The following FAM135B variants were observed in gnomAD, a reference collection of about 807,000 sequenced individuals.
FAM135B encodes family with sequence similarity 135 member B, also known as protein FAM135B.
A neutral mutation model predicts 127.7 loss-of-function variants in FAM135B; 43 were observed. The observed-to-expected ratio is 0.34, with a 90% CI of 0.26 to 0.43. The LOEUF (loss-of-function observed/expected upper bound fraction) is 0.43. Among genes scored for constraint, FAM135B ranks in the 20% least tolerant of loss-of-function variants. The probability of loss-of-function intolerance (pLI) is 1.00; values close to 1 mark genes in which losing one functional copy is unlikely to be tolerated. For synonymous variants in FAM135B, 670 were observed against 665.1 expected, an observed-to-expected ratio of 1.01 and a Z score of -0.11; for missense variants, 1,558 against 1,725.6, an observed-to-expected ratio of 0.90 and a Z score of 1.72.
At chr8:138,251,058 C>T (rs1337331128) in intron 5 of FAM135B, 44 bp from the exon 6 acceptor site, 4 of 1,605,834 alleles carry the variant, frequency 2.5e-6, no homozygotes, top group South Asian at 1.1e-5. Flanking sequence ...TGGTGGGTTG[C>T]CCCTGCTGTC....
chr8:138,248,113 G>A (rs1205344302), intron 6 of FAM135B, among the ~76,000 whole-genome samples: 1 of 152,202 alleles, frequency 6.6e-6, no homozygotes. Context: ...GCTTTTACAT[G>A]TGCTGTCTCA....
intron 19 of FAM135B, among the ~76,000 whole-genome samples, chr8:138,133,519 C>T (rs1383790074): frequency 1.3e-5 from 2 of 152,202 alleles, no homozygotes; most frequent in African/African-American, 4.8e-5. Context: ...GTATCATTGA[C>T]AGACACTTTC....
At position 138,492,304 on chromosome 8, in the gene FAM135B, G is replaced by C. The variant is rs1815234318; in HGVS notation, c.-20+4367C>G. On this transcript the variant is annotated intron_variant, in intron 1 of 19. Transcript: ENST00000395297. ...GTCTCACTGATATTTTTGTGAGATAGGAAGCAATCTGTTCATTTCTCTGAT... is the reference window on the plus strand; with the variant it reads ...GTCTCACTGATATTTTTGTGAGATACGAAGCAATCTGTTCATTTCTCTGAT... Among the ~76,000 whole-genome samples, 3 of 152,116 alleles carry C rather than the reference G, an allele frequency of 2.0e-5. No homozygotes were observed. In the South Asian group the frequency reaches 6.2e-4, roughly 32 times the overall value.
intron 3 of FAM135B, among the ~76,000 whole-genome samples, chr8:138,288,588 A>C (rs1824872781): frequency 6.6e-6 from 1 of 152,158 alleles, no homozygotes; most frequent in Non-Finnish European, 1.5e-5. Flanking sequence ...GGAGATGTTG[A>C]GGAAACGGAG....
intron 1 of FAM135B, among the ~76,000 whole-genome samples, chr8:138,388,252 A>C (rs1032063975): frequency 6.6e-6 from 1 of 152,218 alleles, no homozygotes; most frequent in Non-Finnish European, 1.5e-5. Flanking sequence ...ATACCAAATG[A>C]TGGCAAACAT....
At chr8:138,223,469 A>T (rs566876525) in intron 7 of FAM135B, among the ~76,000 whole-genome samples, 19 of 152,324 alleles carry the variant, frequency 1.2e-4, no homozygotes, top group African/African-American at 4.6e-4. Flanking sequence ...GTAGATTAGG[A>T]CTTTGGAGGA....
chr8:138,283,976 A>T (rs1824476113), intron 3 of FAM135B, among the ~76,000 whole-genome samples: 1 of 151,946 alleles, frequency 6.6e-6, no homozygotes, highest in Admixed American at 6.6e-5. Context: ...GAGAACAGTG[A>T]GCTGGACAAA....
At position 138,430,377 on chromosome 8, in the gene FAM135B, CT is replaced by C. The variant is rs1315808759; in HGVS notation, c.-19-62376del. ...TTTAATATACATGCATAAAATCACC[CT>C]GAAACTCAGTGGCTTAAATTAATAA... On this transcript the variant is annotated intron_variant, in intron 1 of 19. Coordinates refer to ENST00000395297, the MANE Select transcript of FAM135B (RefSeq NM_015912.4). 2.0e-5 allele frequency among the ~76,000 whole-genome samples: 3 copies of C among 152,290 alleles called. No individual in the cohort carries two copies. In the South Asian group the frequency reaches 6.2e-4, roughly 32 times the overall value.
intron 1 of FAM135B, among the ~76,000 whole-genome samples, chr8:138,407,932 AT>A (rs1833618453): frequency 6.6e-6 from 1 of 152,170 alleles, no homozygotes; most frequent in African/African-American, 2.4e-5. Flanking sequence ...TCTTAGAGGA[AT>A]CTTTTTTTAC....
intron 6 of FAM135B, among the ~76,000 whole-genome samples, chr8:138,244,378 T>G (rs1253608755): frequency 6.8e-6 from 1 of 146,492 alleles, no homozygotes; most frequent in Non-Finnish European, 1.5e-5. Flanking sequence ...CCTCTCAGGG[T>G]TCAACTCCCT....
chr8:138,438,316 T>A (rs1209826856), intron 1 of FAM135B: 2 of 152,140 alleles, frequency 1.3e-5, no homozygotes, highest in Non-Finnish European at 2.9e-5. Flanking sequence ...AAGTACTCCA[T>A]GAGAGTTCCT....
At chr8:138,168,905 G>A (rs1820183148) in intron 11 of FAM135B, among the ~76,000 whole-genome samples, 1 of 152,146 alleles carries the variant, frequency 6.6e-6, no homozygotes, top group African/African-American at 2.4e-5. Flanking sequence ...GCTAGATTAT[G>A]TGTGTCTGTC....
chr8:138,152,907 G>T lies in FAM135B; in HGVS notation c.1568C>A (p.Thr523Lys). 1 of 1,614,212 alleles carries T rather than the reference G, an allele frequency of 6.2e-7. No individual in the cohort carries two copies. Among genetic ancestry groups the T allele is most frequent in the South Asian group, 1.1e-5 (1 of 91,084 alleles). Residue 523 changes from threonine to lysine, a missense_variant, in exon 13 of 20, where the codon ACA becomes AAA. Physicochemically the swap from Thr to Lys is moderately conservative, Grantham distance 78 (BLOSUM62 -1). Around this residue, in one of 5 missense-constraint regions of FAM135B, gnomAD observed 923 missense variants for 865.3 expected, o/e 1.07. Coordinates refer to ENST00000395297, the MANE Select transcript of FAM135B (RefSeq NM_015912.4). ...VPEDECWTGQ[T>K]SDAGTYPVAD... is the part of the protein sequence containing the mutation. ...CACTGGATATGTCCCAGCATCAGAT[G>T]TTTGGCCAGTCCAACATTCATCTTC...
intron 3 of FAM135B, among the ~76,000 whole-genome samples, chr8:138,307,617 CA>C (rs1457394338): frequency 2.0e-5 from 3 of 151,786 alleles, no homozygotes; most frequent in Non-Finnish European, 2.9e-5. Flanking sequence ...TTAATAATAA[CA>C]GCTGCATTTT....
chr8:138,353,313 T>G (rs562387538), intron 2 of FAM135B, among the ~76,000 whole-genome samples: 1 of 152,278 alleles, frequency 6.6e-6, no homozygotes, highest in South Asian at 2.1e-4. Context: ...GCTGCTGCTC[T>G]CATCATATAG....
chr8:138,178,889 T>C (rs977912030), intron 9 of FAM135B, among the ~76,000 whole-genome samples, 199 bp from the exon 10 acceptor site: 8 of 152,132 alleles, frequency 5.3e-5, no homozygotes, highest in Non-Finnish European at 1.0e-4. Context: ...AAGACAGCAA[T>C]GGCAACAATA....
At chr8:138,435,108 C>A (rs1045366470) in intron 1 of FAM135B, among the ~76,000 whole-genome samples, 6 of 151,978 alleles carry the variant, frequency 3.9e-5, no homozygotes, top group Non-Finnish European at 5.9e-5. Context: ...GAGTTTATGG[C>A]CAAGATGGTG....
At chr8:138,359,659 G>A (rs1480177098) in intron 2 of FAM135B, among the ~76,000 whole-genome samples, 1 of 152,080 alleles carries the variant, frequency 6.6e-6, no homozygotes, top group East Asian at 1.9e-4. Context: ...AAGAGAAGTG[G>A]GGAAAAAAGA....
intron 9 of FAM135B, among the ~76,000 whole-genome samples, chr8:138,191,421 A>C (rs537058603): frequency 6.6e-6 from 1 of 152,236 alleles, no homozygotes; most frequent in Non-Finnish European, 1.5e-5. Context: ...AGGGTATGAC[A>C]TTAGTGGCTC....
Sources: allele counts gnomAD v4.1 joint callset (sites outside exome capture counted in the v4.1 genomes callset), GRCh38; gene constraint gnomAD v4.1.1; regional missense constraint gnomAD v4.1.1; transcripts MANE v1.5; gene names NCBI Gene and HGNC (gene_info 2026-07-23, HGNC 2026-07-21).